CPA6: variants seen among roughly 807,000 people sequenced by gnomAD.
The protein encoded by CPA6 is carboxypeptidase A6.
CPA6 carries 58 observed loss-of-function variants against 63.3 expected under a neutral mutation model. That is an observed-to-expected ratio of 0.92 (90% CI 0.74 to 1.14). CPA6 has a LOEUF of 1.14. Ranked by LOEUF, CPA6 falls within the 50% of genes most tolerant of loss-of-function variation. The pLI is 0.00. For missense variants in CPA6, 565 were observed against 526.6 expected (o/e 1.07, Z -0.71); for synonymous variants, 185 against 179.0 (o/e 1.03, Z -0.27).
intron 8 of CPA6, among the ~76,000 whole-genome samples, chr8:67,445,783 T>G (rs1350751008): frequency 6.6e-6 from 1 of 152,184 alleles, no homozygotes; most frequent in African/African-American, 2.4e-5. Flanking sequence ...GTATGTGTAT[T>G]GCAATCTGTT....
intron 8 of CPA6, among the ~76,000 whole-genome samples, chr8:67,476,090 C>T (rs73262665): frequency 0.066 from 9,937 of 150,728 alleles, 781 homozygotes; most frequent in African/African-American, 0.19. Context: ...TCTTGGCTCA[C>T]GGCAACCGTT....
intron 1 of CPA6, among the ~76,000 whole-genome samples, chr8:67,691,086 T>C (rs920459098): frequency 1.3e-5 from 2 of 152,212 alleles, no homozygotes; most frequent in African/African-American, 2.4e-5. Context: ...CTTTTCTTTT[T>C]CCCATTCACT....
chr8:67,527,793 A>G (rs1812395620), intron 2 of CPA6, among the ~76,000 whole-genome samples: 1 of 152,248 alleles, frequency 6.6e-6, no homozygotes, highest in South Asian at 2.1e-4. Context: ...GAACTTTTTC[A>G]TAACAGCTAA....
At chr8:67,484,466 CTTTA>C (rs1226502771) in intron 7 of CPA6, among the ~76,000 whole-genome samples, 1 of 152,136 alleles carries the variant, frequency 6.6e-6, no homozygotes, top group Non-Finnish European at 1.5e-5. Flanking sequence ...AAGAAGGAAT[CTTTA>C]TTTATGTGAA....
At chr8:67,645,317 A>G (rs1306226146) in intron 1 of CPA6, among the ~76,000 whole-genome samples, 12 of 152,216 alleles carry the variant, frequency 7.9e-5, no homozygotes. Context: ...TCTGTCACCT[A>G]TTAACAACAA....
chr8:67,732,269 G>T (rs1318306816), intron 1 of CPA6, among the ~76,000 whole-genome samples: 1 of 152,186 alleles, frequency 6.6e-6, no homozygotes, highest in Non-Finnish European at 1.5e-5. Flanking sequence ...AAAGCCGTAA[G>T]GGCAAATGGT....
intron 2 of CPA6, chr8:67,570,060 G>A (rs1813447080): frequency 6.6e-6 from 1 of 152,542 alleles, no homozygotes; most frequent in African/African-American, 2.4e-5. Context: ...TTGTTAACGT[G>A]AGTATGGAAT....
intron 8 of CPA6, among the ~76,000 whole-genome samples, chr8:67,479,135 T>C (rs890626934): frequency 6.6e-6 from 1 of 152,204 alleles, no homozygotes; most frequent in African/African-American, 2.4e-5. Flanking sequence ...AGCTTTATGC[T>C]GATATTTCCT....
intron 6 of CPA6, among the ~76,000 whole-genome samples, chr8:67,490,732 A>G (rs1288942745): frequency 2.6e-5 from 4 of 152,158 alleles, no homozygotes; most frequent in South Asian, 2.1e-4. Flanking sequence ...GAATTCACCA[A>G]ATAAACTTTG....
intron 8 of CPA6, among the ~76,000 whole-genome samples, chr8:67,436,235 G>C (rs1810149481): frequency 6.6e-6 from 1 of 152,156 alleles, no homozygotes; most frequent in East Asian, 1.9e-4. Context: ...AGAGAGGCGA[G>C]AGGCAAGGCG....
intron 6 of CPA6, among the ~76,000 whole-genome samples, chr8:67,500,258 C>T (rs943391843): frequency 7.9e-5 from 12 of 152,102 alleles, no homozygotes; most frequent in Non-Finnish European, 1.5e-4. Flanking sequence ...GATAGGTGTG[C>T]AGTGATAGCT....
intron 2 of CPA6, among the ~76,000 whole-genome samples, chr8:67,567,905 G>C (rs1413455737): frequency 6.6e-6 from 1 of 152,192 alleles, no homozygotes; most frequent in Non-Finnish European, 1.5e-5. Flanking sequence ...ATAGGGGAAA[G>C]AGTGCAGTTA....
At chr8:67,618,744 A>G (rs1265931427) in intron 2 of CPA6, among the ~76,000 whole-genome samples, 1 of 152,226 alleles carries the variant, frequency 6.6e-6, no homozygotes, top group Non-Finnish European at 1.5e-5. Flanking sequence ...TGTCAATTGT[A>G]TAATGGAAAC....
At chr8:67,710,094 C>A (rs1309123177) in intron 1 of CPA6, among the ~76,000 whole-genome samples, 1 of 149,078 alleles carries the variant, frequency 6.7e-6, no homozygotes, top group Non-Finnish European at 1.5e-5. Context: ...GCCTGGGCAA[C>A]AGAGCGAGAC....
chr8:67,603,073 C>T (rs1273408221), intron 2 of CPA6, among the ~76,000 whole-genome samples: 1 of 152,092 alleles, frequency 6.6e-6, no homozygotes, highest in Non-Finnish European at 1.5e-5. Flanking sequence ...TGTGGCCATA[C>T]TGAAAAGAAA....
At chr8:67,440,108 T>G (rs987808947) in intron 8 of CPA6, among the ~76,000 whole-genome samples, 2 of 152,138 alleles carry the variant, frequency 1.3e-5, no homozygotes, top group African/African-American at 4.8e-5. Context: ...TCTCGTACAG[T>G]TCTTGAGGCT....
At chr8:67,504,935 A>G (rs1482550093) in intron 6 of CPA6, among the ~76,000 whole-genome samples, 2 of 152,172 alleles carry the variant, frequency 1.3e-5, no homozygotes, top group East Asian at 1.9e-4. Context: ...CCAATGATGT[A>G]TCGGTGGAAA....
chr8:67,586,863 T>C (rs1310915678), intron 2 of CPA6, among the ~76,000 whole-genome samples: 2 of 152,202 alleles, frequency 1.3e-5, no homozygotes, highest in African/African-American at 4.8e-5. Context: ...ATGAGGCTGA[T>C]GAGTAGGCTG....
At chr8:67,711,372 A>C (rs1233987369) in intron 1 of CPA6, among the ~76,000 whole-genome samples, 1 of 152,248 alleles carries the variant, frequency 6.6e-6, no homozygotes, top group Admixed American at 6.5e-5. Context: ...ATCTTTGGTA[A>C]ATAGTACAGA....
Sources: gnomAD v4.1 joint callset for allele counts (sites outside exome capture counted in the v4.1 genomes callset) on GRCh38, gnomAD v4.1.1 for gene constraint, MANE v1.5 for transcripts, NCBI Gene and HGNC (gene_info 2026-07-23, HGNC 2026-07-21) for gene names.